Variants in LRRN2 observed in about 807,000 individuals in gnomAD.
LRRN2 encodes the protein leucine rich repeat neuronal 2, also known as leucine-rich repeat neuronal protein 2.
LRRN2 carries 10 observed loss-of-function variants against 35.7 expected under a neutral mutation model. The observed-to-expected ratio is 0.28, with a 90% CI of 0.17 to 0.47. LRRN2 has a LOEUF of 0.47. Ranked by LOEUF, LRRN2 falls within the 20% of genes least tolerant of loss-of-function variation. The probability of loss-of-function intolerance (pLI) is 0.99; values close to 1 mark genes in which losing one functional copy is unlikely to be tolerated. For missense variants in LRRN2, 731 were observed against 940.3 expected, an observed-to-expected ratio of 0.78 and a Z score of 2.91; for synonymous variants, 391 against 409.6, an observed-to-expected ratio of 0.95 and a Z score of 0.55.
chr1:204,649,383 G>T (rs1049622612), intron 1 of LRRN2, among the ~76,000 whole-genome samples: 10 of 152,230 alleles, frequency 6.6e-5, no homozygotes, highest in Non-Finnish European at 1.5e-4. Context: ...CTGGTTCTCA[G>T]CACACAGATG....
At chr1:204,650,768 G>A (rs764826786) in intron 1 of LRRN2, among the ~76,000 whole-genome samples, 2 of 152,114 alleles carry the variant, frequency 1.3e-5, no homozygotes, top group African/African-American at 4.8e-5. Context: ...CTGGGGACAC[G>A]GCACTGAACA....
chr1:204,652,819 G>A (rs1234005416), intron 1 of LRRN2, among the ~76,000 whole-genome samples: 3 of 152,214 alleles, frequency 2.0e-5, no homozygotes. Context: ...CAGGCAGCTG[G>A]GTCTGCCTCC....
intron 1 of LRRN2, chr1:204,626,801 G>A (rs896990662): frequency 1.3e-5 from 2 of 152,142 alleles, no homozygotes; most frequent in South Asian, 2.1e-4. Flanking sequence ...ACAATTTAAC[G>A]TGGGTCACGA....
At chr1:204,682,038 G>A (rs925820968) in intron 1 of LRRN2, among the ~76,000 whole-genome samples, 1 of 152,144 alleles carries the variant, frequency 6.6e-6, no homozygotes, top group African/African-American at 2.4e-5. Flanking sequence ...TTGTAGGCTT[G>A]AAAGCTTCTA....
intron 1 of LRRN2, among the ~76,000 whole-genome samples, chr1:204,638,766 G>C (rs113644997): frequency 6.6e-6 from 1 of 152,226 alleles, no homozygotes; most frequent in Non-Finnish European, 1.5e-5. Context: ...AAGAGGCCAT[G>C]TGGAGATCTT....
At chr1:204,637,210 C>A (rs757622129) in intron 1 of LRRN2, among the ~76,000 whole-genome samples, 35 of 152,130 alleles carry the variant, frequency 2.3e-4, no homozygotes, top group Non-Finnish European at 4.9e-4. Flanking sequence ...GGACTGAGAA[C>A]TATTACTTCT....
chr1:204,674,167 G>A (rs1382975270), intron 1 of LRRN2, among the ~76,000 whole-genome samples: 1 of 152,120 alleles, frequency 6.6e-6, no homozygotes, highest in African/African-American at 2.4e-5. Flanking sequence ...GGGAGGCCCT[G>A]GACCTGAAGC....
chr1:204,668,911 C>T (rs1017394190), intron 1 of LRRN2, among the ~76,000 whole-genome samples: 1 of 152,208 alleles, frequency 6.6e-6, no homozygotes, highest in Non-Finnish European at 1.5e-5. Context: ...GTAGCCTTGA[C>T]TTCCAGGGCT....
Position 204,647,700 on chromosome 1 carries a change from G to A in LRRN2, c.-226-27482C>T, listed in dbSNP as rs115946563. ...AGATGGACGGCTCTGATTTTTATGC[G>A]GAGTCACTCTATGACTCAGCAGGAA... On this transcript the variant is annotated intron_variant, in intron 1 of 1. Transcript: ENST00000367177. Among the ~76,000 whole-genome samples, 815 of 152,240 alleles carry A rather than the reference G, an allele frequency of 5.4e-3. 12 individuals carry two copies. The highest frequency in any genetic ancestry group is 0.018 in the African/African-American group (761 of 41,536).
intron 1 of LRRN2, among the ~76,000 whole-genome samples, chr1:204,646,965 A>G (rs944050782): frequency 6.6e-6 from 1 of 152,196 alleles, no homozygotes; most frequent in African/African-American, 2.4e-5. Flanking sequence ...ATGGGGAAAG[A>G]GCAACTGGAT....
rs749764096 is a variant in LRRN2 at position 204,618,773 on chromosome 1, G to A, written c.1220C>T (p.Pro407Leu). 1.9e-6 allele frequency: 3 copies of A among 1,613,542 alleles called. No individual in the cohort carries two copies. The highest frequency in any genetic ancestry group is 2.5e-6 in the Non-Finnish European group (3 of 1,179,720). Residue 407 changes from proline to leucine, a missense_variant, in exon 2 of 2, where the codon CCG becomes CTG. Physicochemically the swap from Pro to Leu is moderately conservative, Grantham distance 98. This residue lies in a region of LRRN2 where 256 missense variants were observed against 392.4 expected (regional missense o/e 0.65). Coordinates refer to ENST00000367177, the MANE Select transcript of LRRN2 (RefSeq NM_201630.2). ...CTCCCGGAAGGGCACCTCACGGACC[G>A]GGAGGCGCTGGAGGTCCGGAGGCTC... Reference protein sequence around the residue: ...CAEPPDLQRLPVREVPFREMT... With the variant: ...CAEPPDLQRLLVREVPFREMT...
chr1:204,635,390 C>A (rs530932799), intron 1 of LRRN2, among the ~76,000 whole-genome samples: 1 of 152,068 alleles, frequency 6.6e-6, no homozygotes, highest in African/African-American at 2.4e-5. Context: ...AACCTCTCTC[C>A]GCAGCCCAGT....
At chr1:204,684,604 G>A (rs1571692344) in intron 1 of LRRN2, among the ~76,000 whole-genome samples, 1 of 152,248 alleles carries the variant, frequency 6.6e-6, no homozygotes, top group Non-Finnish European at 1.5e-5. Context: ...CCCACCTGTG[G>A]CTGGCCAGCC....
chr1:204,638,418 T>TTTTTG (rs1667893676), intron 1 of LRRN2, among the ~76,000 whole-genome samples: 1 of 133,464 alleles, frequency 7.5e-6, no homozygotes, highest in Non-Finnish European at 1.6e-5. Flanking sequence ...TTTTTTTTTT[T>TTTTTG]TTTTTTTTTT....
rs879444570 is a variant in LRRN2 at position 204,624,762 on chromosome 1, C to A, written c.-226-4544G>T. On this transcript the variant is annotated intron_variant, in intron 1 of 1. Transcript: ENST00000367177. Reference sequence around the variant, plus strand: ...CCTGGCGGTTCCCCCCCCACCCCCCCCCCCGGGAGCTGAGGGTCCAGAGGG... The same window carrying A: ...CCTGGCGGTTCCCCCCCCACCCCCCACCCCGGGAGCTGAGGGTCCAGAGGG... Among the ~76,000 whole-genome samples, 524 of 136,004 alleles carry A rather than the reference C, an allele frequency of 3.9e-3. 7 individuals are homozygous for A. Among genetic ancestry groups the A allele is most frequent in the African/African-American group, 0.012 (471 of 38,972 alleles). 89.2% of individuals were successfully genotyped at this position (136,004 alleles called of 152,430 possible).
chr1:204,639,872 G>T (rs1000559616), intron 1 of LRRN2, among the ~76,000 whole-genome samples: 6 of 152,074 alleles, frequency 3.9e-5, no homozygotes, highest in Non-Finnish European at 1.5e-5. Context: ...CAGCTGGTAA[G>T]AAGCAAGAAT....
At chr1:204,637,739 GA>G (rs1264849849) in intron 1 of LRRN2, among the ~76,000 whole-genome samples, 1 of 151,328 alleles carries the variant, frequency 6.6e-6, no homozygotes, top group African/African-American at 2.4e-5. Flanking sequence ...TCCTCTGCGG[GA>G]AGGCCCCGAC....
intron 1 of LRRN2, among the ~76,000 whole-genome samples, chr1:204,678,330 C>G (rs141467301): frequency 0.011 from 1,694 of 152,270 alleles, 34 homozygotes; most frequent in African/African-American, 0.039. Context: ...GTGCTCAGAG[C>G]ATCCTTGGTG....
intron 1 of LRRN2, among the ~76,000 whole-genome samples, chr1:204,622,650 TG>T (rs1251240768): frequency 5.9e-5 from 9 of 151,712 alleles, no homozygotes; most frequent in Non-Finnish European, 8.8e-5. Flanking sequence ...GTGGTCTAGG[TG>T]GGTGGAAAGG....
Sources: gnomAD v4.1 joint callset for allele counts (sites outside exome capture counted in the v4.1 genomes callset) on GRCh38, gnomAD v4.1.1 for gene constraint, gnomAD v4.1.1 regional missense constraint, MANE v1.5 for transcripts, NCBI Gene and HGNC (gene_info 2026-07-23, HGNC 2026-07-21) for gene names.